Variants in GRIK4 observed in about 807,000 individuals in gnomAD.
The protein encoded by GRIK4 is glutamate ionotropic receptor kainate type subunit 4, also known as glutamate receptor ionotropic, kainate 4.
GRIK4 carries 40 observed loss-of-function variants against 104.9 expected under a neutral mutation model. The ratio of observed to expected loss-of-function variants is 0.38; its 90% CI spans 0.30 to 0.50. The LOEUF is 0.50. Among genes scored for constraint, GRIK4 ranks in the 20% least tolerant of loss-of-function variants. The pLI is 0.93. For synonymous variants in GRIK4, 485 were observed against 524.9 expected (o/e 0.92, Z 1.04); for missense variants, 1,047 against 1,308.1 (o/e 0.80, Z 3.08).
chr11:120,565,097 T>C (rs538505374), intron 1 of GRIK4, among the ~76,000 whole-genome samples: 1 of 152,276 alleles, frequency 6.6e-6, no homozygotes, highest in South Asian at 2.1e-4. Context: ...GAGGCAGTGA[T>C]GCGGGGCAGC....
chr11:120,864,686 A>T (rs1954358773), intron 9 of GRIK4, among the ~76,000 whole-genome samples: 1 of 152,188 alleles, frequency 6.6e-6, no homozygotes, highest in South Asian at 2.1e-4. Context: ...CTATTTCCTC[A>T]TTCTCTCTAA....
At chr11:120,973,912 C>CG (rs1248038046) in intron 19 of GRIK4, among the ~76,000 whole-genome samples, 1 of 64,312 alleles carries the variant, frequency 1.6e-5, no homozygotes, top group Non-Finnish European at 3.2e-5. Context: ...TCCCTTAAAT[C>CG]ATTTTTTTTT....
intron 1 of GRIK4, among the ~76,000 whole-genome samples, chr11:120,601,425 C>T (rs1948885298): frequency 6.6e-6 from 1 of 151,932 alleles, no homozygotes; most frequent in Non-Finnish European, 1.5e-5. Context: ...CAAAAACAAA[C>T]CCCAAAAGAA....
At chr11:120,821,743 T>C (rs1490834339) in intron 6 of GRIK4, among the ~76,000 whole-genome samples, 1 of 152,146 alleles carries the variant, frequency 6.6e-6, no homozygotes, top group Non-Finnish European at 1.5e-5. Context: ...TTGGGTGCAT[T>C]CAGGAGCACT....
At chr11:120,710,212 C>T in intron 3 of GRIK4, among the ~76,000 whole-genome samples, 1 of 138,282 alleles carries the variant, frequency 7.2e-6, no homozygotes, top group African/African-American at 3.2e-5. Flanking sequence ...ATAGGTAGGA[C>T]AGACTTATCT....
intron 1 of GRIK4, among the ~76,000 whole-genome samples, chr11:120,636,751 A>G (rs139966821): frequency 0.03 from 4,503 of 152,156 alleles, 211 homozygotes; most frequent in African/African-American, 0.1. Flanking sequence ...GAGGCAGGAG[A>G]ATCACCTGGG....
At chr11:120,595,778 TGGG>T (rs77678003) in intron 1 of GRIK4, among the ~76,000 whole-genome samples, 1 of 152,224 alleles carries the variant, frequency 6.6e-6, no homozygotes, top group East Asian at 1.9e-4. Flanking sequence ...CCATGTGCCC[TGGG>T]GACACTGCTC....
rs146441894 is a variant in GRIK4 at position 120,572,986 on chromosome 11, CTTCA to C, written c.-159+61116_-159+61119del. On this transcript the variant is annotated intron_variant, in intron 1 of 20. Transcript: ENST00000527524. ...TAACCATACTCCATTCACTCATTCA[CTTCA>C]TTCATTCATTCATTCAGTAGTCTTT... Among the ~76,000 whole-genome samples the C allele has an allele frequency of 1.6e-3, 248 of 152,320 alleles. 1 individual carries two copies. Among genetic ancestry groups the C allele is most frequent in the African/African-American group, 5.4e-3 (224 of 41,556 alleles).
At chr11:120,670,476 C>T (rs1192883517) in intron 3 of GRIK4, among the ~76,000 whole-genome samples, 1 of 152,214 alleles carries the variant, frequency 6.6e-6, no homozygotes, top group Non-Finnish European at 1.5e-5. Context: ...CTCACTCATG[C>T]CACACACCAC....
At chr11:120,731,186 T>C (rs1346039700) in intron 3 of GRIK4, among the ~76,000 whole-genome samples, 1 of 152,164 alleles carries the variant, frequency 6.6e-6, no homozygotes, top group Non-Finnish European at 1.5e-5. Context: ...TTCAGCATGA[T>C]ACTAGCTGTG....
intron 3 of GRIK4, among the ~76,000 whole-genome samples, chr11:120,667,365 C>T (rs1323365851): frequency 6.6e-6 from 1 of 152,266 alleles, no homozygotes; most frequent in African/African-American, 2.4e-5. Flanking sequence ...TGGGTGCTTC[C>T]TTCCTCCCTG....
chr11:120,854,516 T>C (rs1176208957), intron 8 of GRIK4, among the ~76,000 whole-genome samples: 5 of 152,330 alleles, frequency 3.3e-5, no homozygotes, highest in Admixed American at 6.5e-5. Context: ...TTAAGGTTCT[T>C]GGACTACCTG....
intron 4 of GRIK4, among the ~76,000 whole-genome samples, chr11:120,804,916 A>G (rs998354536): frequency 6.6e-6 from 1 of 152,212 alleles, no homozygotes; most frequent in Non-Finnish European, 1.5e-5. Flanking sequence ...CATACCATAT[A>G]GAACAGGGCC....
At chr11:120,794,711 A>G (rs1251841168) in intron 3 of GRIK4, among the ~76,000 whole-genome samples, 1 of 152,106 alleles carries the variant, frequency 6.6e-6, no homozygotes, top group East Asian at 1.9e-4. Context: ...TTGTGAGAAA[A>G]GGAATTTTGG....
chr11:120,925,697 C>A (rs554604207), intron 13 of GRIK4, among the ~76,000 whole-genome samples: 1 of 152,088 alleles, frequency 6.6e-6, no homozygotes, highest in African/African-American at 2.4e-5. Flanking sequence ...ATCGGCCAGG[C>A]GCAGTGGCTC....
chr11:120,769,607 T>C (rs1216624780), intron 3 of GRIK4, among the ~76,000 whole-genome samples: 2 of 152,184 alleles, frequency 1.3e-5, no homozygotes, highest in African/African-American at 2.4e-5. Context: ...TGCACACACA[T>C]ACAAACAAAA....
chr11:120,746,651 G>A (rs987031996), intron 3 of GRIK4, among the ~76,000 whole-genome samples: 2 of 152,156 alleles, frequency 1.3e-5, no homozygotes, highest in Non-Finnish European at 2.9e-5. Context: ...GGGGAATTAA[G>A]GCTCCATTTC....
chr11:120,711,006 G>GGGGGGT, intron 3 of GRIK4, among the ~76,000 whole-genome samples: 1 of 147,108 alleles, frequency 6.8e-6, no homozygotes. Flanking sequence ...GTGGGGAGGG[G>GGGGGGT]GTGTGAGCAG....
In GRIK4 at chr11:120,953,396, G is replaced by A. The variant is rs1332116522; in HGVS notation, c.1700+432G>A. On this transcript the variant is annotated intron_variant, in intron 15 of 20. Transcript: ENST00000527524. The surrounding 1 kb of genome is among the most constrained non-coding windows in gnomAD (Gnocchi z 4.9). ...CTGCCACAAAGTGCCGAATGACAAGGAACAGAGCCTGCAAATCTGGACTGG... is the reference window on the plus strand; with the variant it reads ...CTGCCACAAAGTGCCGAATGACAAGAAACAGAGCCTGCAAATCTGGACTGG... Among the ~76,000 whole-genome samples the A allele has an allele frequency of 6.6e-6, 1 of 151,972 alleles. No homozygotes were observed. The highest frequency in any genetic ancestry group is 1.5e-5 in the Non-Finnish European group (1 of 67,976).
Sources: allele counts gnomAD v4.1 joint callset (sites outside exome capture counted in the v4.1 genomes callset), GRCh38; gene constraint gnomAD v4.1.1; non-coding constraint Gnocchi (gnomAD v3.1); transcripts MANE v1.5; gene names NCBI Gene and HGNC (gene_info 2026-07-23, HGNC 2026-07-21).